Variants in RELL1 observed in about 807,000 individuals in gnomAD.
RELL1 encodes the protein RELT-like protein 1.
RELL1 carries 10 observed loss-of-function variants against 23.0 expected under a neutral mutation model. That is an observed-to-expected ratio of 0.43 (90% confidence interval 0.27 to 0.74). RELL1 has a LOEUF of 0.74. RELL1 is among the 30% of genes least tolerant of loss of function. The pLI is 0.19. For missense variants in RELL1, 315 were observed against 364.4 expected (o/e 0.86, Z 1.10); for synonymous variants, 146 against 146.8 (o/e 0.99, Z 0.04).
downstream of RELL1, among the ~76,000 whole-genome samples, chr4:37,605,819 GAAAGAAAGAAAGAAAGAAAGAAAGAAGGA>G (rs1719187487): frequency 3.8e-5 from 4 of 105,192 alleles, no homozygotes; most frequent in Non-Finnish European, 9.1e-5. Context: ...AAGAAAGAAA[GAAAGAAAGAAAGAAAGAAAGAAAGAAGGA>G]AAAGAAAAGA....
At chr4:37,605,860 AAGAAAG>A (rs1272998665), downstream of RELL1, among the ~76,000 whole-genome samples, 1 of 149,534 alleles carries the variant, frequency 6.7e-6, no homozygotes, top group Admixed American at 6.7e-5. Context: ...AAGAAAAGAA[AAGAAAG>A]AGAAAGGAAA....
chr4:37,669,106 C>T (rs1341651725), intron 1 of RELL1, among the ~76,000 whole-genome samples: 2 of 115,476 alleles, frequency 1.7e-5, no homozygotes. Flanking sequence ...AGGTGAGGGG[C>T]GCCTCTGCCC....
At chr4:37,644,040 T>G (rs557296756) in intron 3 of RELL1, among the ~76,000 whole-genome samples, 1 of 151,866 alleles carries the variant, frequency 6.6e-6, no homozygotes, top group Admixed American at 6.6e-5. Flanking sequence ...GAGAATAAGA[T>G]AGAAGGCAAA....
At position 37,591,048 on chromosome 4, in the gene RELL1, C is replaced by T. The variant is rs746438123; in HGVS notation, c.*173G>A. ...GTAAGCTGGTGTCATGCTGAGCATGCAGATGCATTTGCTCCCTGGATGCAT... is the reference window on the plus strand; with the variant it reads ...GTAAGCTGGTGTCATGCTGAGCATGTAGATGCATTTGCTCCCTGGATGCAT... On this transcript the variant is annotated 3_prime_UTR_variant, in exon 7 of 7. Transcript: ENST00000314117. The T allele has an allele frequency of 4.6e-6, 7 of 1,506,996 alleles. No homozygotes were observed. In the East Asian group the frequency reaches 1.6e-4, roughly 34 times the overall value. 93.4% of individuals were successfully genotyped at this position (1,506,996 alleles called of 1,614,324 possible). A position where few individuals can be genotyped will look rare whatever the true frequency, so the allele number is the denominator to read the frequency against.
At chr4:37,640,005 G>A (rs746363221) in intron 3 of RELL1, among the ~76,000 whole-genome samples, 8 of 152,016 alleles carry the variant, frequency 5.3e-5, no homozygotes, top group Non-Finnish European at 1.0e-4. Context: ...TGTACAATAC[G>A]GCAGATATAT....
chr4:37,606,949 A>C (rs1719239172), downstream of RELL1, among the ~76,000 whole-genome samples: 2 of 152,240 alleles, frequency 1.3e-5, no homozygotes, highest in African/African-American at 4.8e-5. The surrounding 1 kb of genome is among the most constrained non-coding windows in gnomAD (Gnocchi z 4.1). Flanking sequence ...GAAGATTGAC[A>C]TCACGGGTAA....
rs148747210 is a variant in RELL1, at chr4:37,659,979, C to A, written c.89-10479G>T. ...GCTAGGGTTTCCTGGCAAACTGAAC[C>A]AACAAACTCTTGATGGGAAAGGAAC... On this transcript the variant is annotated intron_variant, in intron 1 of 6. Coordinates refer to ENST00000454158, the MANE Select transcript of RELL1 (RefSeq NM_001085400.2). 2.0e-5 allele frequency among the ~76,000 whole-genome samples: 3 copies of A among 152,246 alleles called. No homozygotes were observed. In the East Asian group the frequency reaches 5.8e-4, roughly 29 times the overall value.
At chr4:37,599,097 T>C (rs998214211) in intron 6 of RELL1, among the ~76,000 whole-genome samples, 2 of 152,312 alleles carry the variant, frequency 1.3e-5, no homozygotes, top group East Asian at 1.9e-4. Context: ...ATTTTGTATA[T>C]GTAAAATTGT....
chr4:37,665,275 TAC>T, intron 1 of RELL1: 1 of 456,318 alleles, frequency 2.2e-6, no homozygotes, highest in Non-Finnish European at 4.4e-6. Context: ...GGACAACTGA[TAC>T]ACCCCACTGC....
At chr4:37,634,224 A>G (rs1261850885) in intron 5 of RELL1, among the ~76,000 whole-genome samples, 1 of 152,272 alleles carries the variant, frequency 6.6e-6, no homozygotes, top group African/African-American at 2.4e-5. Context: ...GCCAAGACAC[A>G]GTGGAAAGCA....
intron 1 of RELL1, among the ~76,000 whole-genome samples, chr4:37,665,599 G>A (rs1021599221): frequency 2.6e-5 from 4 of 152,188 alleles, no homozygotes; most frequent in African/African-American, 9.7e-5. Context: ...TTCCTTGCAA[G>A]AGGCCAACCA....
intron 1 of RELL1, among the ~76,000 whole-genome samples, chr4:37,668,995 A>G (rs187960627): frequency 0.33 from 42,468 of 128,392 alleles, 8,025 homozygotes; most frequent in African/African-American, 0.55. Flanking sequence ...CGCCCCATCC[A>G]GGAGAGAGGT....
rs1277933906 is a variant in RELL1, at chr4:37,612,343, A to C, written c.*1003T>G. Among the ~76,000 whole-genome samples the C allele has an allele frequency of 2.7e-5, 3 of 110,780 alleles. No individual in the cohort carries two copies. The highest frequency in any genetic ancestry group is 1.3e-4 in the African/African-American group (3 of 23,808). The allele number at this position is 110,780 out of a possible 152,430, so 72.7% of individuals were successfully genotyped here. On this transcript the variant is annotated 3_prime_UTR_variant, in exon 7 of 7. Transcript: ENST00000454158. ...AGGTTAAAAAAAAAAAAAAAACAAA[A>C]AAAAACAAAAAACCGGGTGCAGTGG...
At chr4:37,648,260 C>T (rs1427139152) in intron 2 of RELL1, among the ~76,000 whole-genome samples, 1 of 152,228 alleles carries the variant, frequency 6.6e-6, no homozygotes, top group Non-Finnish European at 1.5e-5. Flanking sequence ...GGGGAGGCTC[C>T]ACTTTCTGTT....
At chr4:37,637,483 C>T (rs749444964) in intron 4 of RELL1, among the ~76,000 whole-genome samples, 6 of 152,350 alleles carry the variant, frequency 3.9e-5, no homozygotes, top group Middle Eastern at 3.4e-3. Context: ...CTTCTTCCTA[C>T]AGCCAGCCCT....
At chr4:37,594,003 A>T (rs1225076765) in intron 6 of RELL1, among the ~76,000 whole-genome samples, 7 of 152,302 alleles carry the variant, frequency 4.6e-5, no homozygotes, top group African/African-American at 1.2e-4. Flanking sequence ...TATGTATATA[A>T]TTTTACATCT....
chr4:37,595,865 G>A (rs1718821852), intron 6 of RELL1, among the ~76,000 whole-genome samples: 1 of 152,148 alleles, frequency 6.6e-6, no homozygotes, highest in Non-Finnish European at 1.5e-5. Context: ...GCAATGGGGA[G>A]CTTGGCCGAC....
chr4:37,678,350 G>A (rs1007428786), intron 1 of RELL1, among the ~76,000 whole-genome samples: 2 of 152,104 alleles, frequency 1.3e-5, no homozygotes, highest in African/African-American at 4.8e-5. Flanking sequence ...ATGAAATTTG[G>A]GCAGGGACAA....
chr4:37,649,135 A>G (rs1408491214), intron 2 of RELL1, 141 bp downstream of exon 2: 3 of 735,600 alleles, frequency 4.1e-6, no homozygotes, highest in Non-Finnish European at 7.0e-6. Context: ...TGATTACTGC[A>G]CAATCTGCAC....
Sources: gnomAD v4.1 joint callset for allele counts (sites outside exome capture counted in the v4.1 genomes callset) on GRCh38, gnomAD v4.1.1 for gene constraint, Gnocchi (gnomAD v3.1) non-coding constraint, MANE v1.5 for transcripts, NCBI Gene and HGNC (gene_info 2026-07-23, HGNC 2026-07-21) for gene names.